ACTN2: variants seen among roughly 807,000 people sequenced by gnomAD.
ACTN2 encodes alpha-actinin-2.
In ACTN2, 39 loss-of-function variants were observed where a neutral mutation model predicts 113.8. The ratio of observed to expected loss-of-function variants is 0.34; its 90% CI spans 0.27 to 0.45. ACTN2 has a LOEUF of 0.45. Among genes scored for constraint, ACTN2 ranks in the 20% least tolerant of loss-of-function variants. The pLI is 1.00. For missense variants in ACTN2, 992 were observed against 1,177.9 expected (o/e 0.84, Z 2.31); for synonymous variants, 429 against 444.1 (o/e 0.97, Z 0.43).
Position 236,755,080 on chromosome 1 carries a change from A to G in ACTN2, c.2036A>G (p.Lys679Arg), listed in dbSNP as rs753129308. 8.1e-6 allele frequency: 13 copies of G among 1,614,236 alleles called. No homozygotes were observed. The highest frequency in any genetic ancestry group is 1.0e-5 in the Non-Finnish European group (12 of 1,180,042). The change falls in exon 17 of 21, where the codon AAG becomes AGG. Residue 679 changes from lysine (K) to arginine (R), a missense_variant. By Grantham distance (26) the Lys-to-Arg change is conservative (BLOSUM62 2). This residue lies in a region of ACTN2 where 736 missense variants were observed against 815.4 expected (regional missense o/e 0.90). Transcript: ENST00000366578. The part of the protein sequence containing the change: ...GALEDQMNQL[K>R]QYEHNIINYK... The stretch of plus-strand genomic sequence containing the variant: ...CTGGAAGACCAGATGAACCAGCTGA[A>G]GCAGTATGAGCACAACATCATCAAC...
chr1:236,745,181 T>C (rs527645300), intron 12 of ACTN2, among the ~76,000 whole-genome samples: 1 of 152,174 alleles, frequency 6.6e-6, no homozygotes, highest in Admixed American at 6.5e-5. Context: ...ACGCCTGTAA[T>C]CCCAGCACTT....
intron 17 of ACTN2, among the ~76,000 whole-genome samples, chr1:236,755,422 T>C (rs1046783519): frequency 6.6e-6 from 1 of 152,218 alleles, no homozygotes; most frequent in African/African-American, 2.4e-5. Context: ...ATTATTATTA[T>C]CACCACCATA....
At chr1:236,718,770 C>T in intron 2 of ACTN2, 124 bp from the exon 3 acceptor site, 1 of 1,343,048 alleles carries the variant, frequency 7.4e-7, no homozygotes, top group Non-Finnish European at 1.1e-6. Flanking sequence ...ACCAGGCACA[C>T]ATCAGAAATA....
chr1:236,726,580 T>G (rs986127998), intron 5 of ACTN2, among the ~76,000 whole-genome samples: 12 of 152,222 alleles, frequency 7.9e-5, no homozygotes, highest in Non-Finnish European at 1.0e-4. Flanking sequence ...TGTAGAGTGG[T>G]CATTATGATG....
intron 1 of ACTN2, among the ~76,000 whole-genome samples, chr1:236,703,635 C>A (rs992293975): frequency 2.0e-5 from 3 of 151,350 alleles, no homozygotes; most frequent in African/African-American, 7.3e-5. Flanking sequence ...ATTTGCTAAC[C>A]CTCATTTAGG....
At chr1:236,711,535 A>C (rs1658025832) in intron 1 of ACTN2, among the ~76,000 whole-genome samples, 1 of 152,122 alleles carries the variant, frequency 6.6e-6, no homozygotes, top group Non-Finnish European at 1.5e-5. Context: ...TTTTTAGTAG[A>C]GATGGGATTT....
At position 236,715,138 on chromosome 1, in the gene ACTN2, A is replaced by G. The variant is rs1389777457; in HGVS notation, c.127-2720A>G. On this transcript the variant is annotated intron_variant, in intron 1 of 20. Transcript: ENST00000366578. ...ATTTTTCTTTGAACCCTTTCGTACC[A>G]CTTGAATTTCTTTTTCCTTTTTTTT... Among the ~76,000 whole-genome samples, 4 of 147,980 alleles carry G rather than the reference A, an allele frequency of 2.7e-5. No individual in the cohort carries two copies. In the Admixed American group the frequency reaches 2.7e-4, roughly 10 times the overall value.
At chr1:236,741,377 C>G (rs1204704264) in intron 10 of ACTN2, among the ~76,000 whole-genome samples, 2 of 152,200 alleles carry the variant, frequency 1.3e-5, no homozygotes, top group East Asian at 3.9e-4. Context: ...ATGCCAATAC[C>G]TCTCAAATTT....
At chr1:236,696,758 C>T (rs1158233616) in intron 1 of ACTN2, among the ~76,000 whole-genome samples, 3 of 151,766 alleles carry the variant, frequency 2.0e-5, no homozygotes, top group South Asian at 2.1e-4. Flanking sequence ...CTCCGCCTCC[C>T]GGGTTCAAGC....
intron 6 of ACTN2, among the ~76,000 whole-genome samples, chr1:236,729,181 C>T (rs1658646689): frequency 1.3e-5 from 2 of 151,846 alleles, no homozygotes; most frequent in East Asian, 2.0e-4. Flanking sequence ...AAAAATTAGC[C>T]GGGTGTGGTG....
At chr1:236,712,749 C>T (rs1658066682) in intron 1 of ACTN2, among the ~76,000 whole-genome samples, 1 of 152,042 alleles carries the variant, frequency 6.6e-6, no homozygotes, top group South Asian at 2.1e-4. Flanking sequence ...TCATGAGCAG[C>T]TTTTAGGGAT....
rs766294557 is a variant in ACTN2, at chr1:236,747,616, TTC to T, written c.1407-46_1407-45del. The T allele has an allele frequency of 7.2e-6, 11 of 1,523,814 alleles. No homozygotes were observed. The East Asian group carries it at 2.3e-4, about 32-fold the overall frequency. 94.4% of individuals were successfully genotyped at this position (1,523,814 alleles called of 1,614,324 possible). On this transcript the variant is annotated intron_variant, in intron 12 of 20. Transcript: ENST00000366578. Reference sequence around the variant, plus strand: ...TTTTCTTTTTTAGCCCATGTTCATTTTCTCTCATCATCTGGGAAAGTTAATCT... The same window carrying T: ...TTTTCTTTTTTAGCCCATGTTCATTTTCTCATCATCTGGGAAAGTTAATCT...
chr1:236,732,732 T>G (rs913659814), intron 7 of ACTN2, among the ~76,000 whole-genome samples: 2 of 152,192 alleles, frequency 1.3e-5, no homozygotes, highest in African/African-American at 4.8e-5. Context: ...CATAAGCCAC[T>G]GTGCCTGGCC....
intron 10 of ACTN2, among the ~76,000 whole-genome samples, chr1:236,741,053 CT>C (rs1344605053): frequency 6.6e-6 from 1 of 151,706 alleles, no homozygotes; most frequent in East Asian, 1.9e-4. Context: ...TTTCTTTTTC[CT>C]TTTTTTTAAA....
intron 1 of ACTN2, among the ~76,000 whole-genome samples, chr1:236,712,920 C>A (rs1444705571): frequency 1.4e-5 from 2 of 145,380 alleles, no homozygotes; most frequent in Non-Finnish European, 3.0e-5. Flanking sequence ...CCATCAGTTG[C>A]TTTTTTTTTT....
rs1658531935 is a variant in ACTN2, at chr1:236,725,797, T to C, written c.449-136T>C. 3.8e-6 allele frequency: 3 copies of C among 792,968 alleles called. No homozygotes were observed. In the African/African-American group the frequency reaches 5.1e-5, roughly 13 times the overall value. The allele number at this position is 792,968 out of a possible 1,614,324, so 49.1% of individuals were successfully genotyped here. On this transcript the variant is annotated intron_variant, in intron 4 of 20. Transcript: ENST00000366578. ...TCACCAAGATCAGGGTTCTGGCTCC[T>C]ATGCACTTGCCGAGGCTGTAGGAAG...
intron 1 of ACTN2, among the ~76,000 whole-genome samples, chr1:236,715,638 C>T (rs1275928486): frequency 5.3e-5 from 8 of 152,114 alleles, no homozygotes; most frequent in South Asian, 2.1e-4. Flanking sequence ...GGAGCTACCA[C>T]ACTGATTGGG....
At chr1:236,761,813 A>G (rs1172371407) in intron 20 of ACTN2, among the ~76,000 whole-genome samples, 1 of 152,216 alleles carries the variant, frequency 6.6e-6, no homozygotes, top group East Asian at 1.9e-4. Flanking sequence ...CATTACCACA[A>G]GGAGGTTAGC....
At chr1:236,719,305 A>G (rs1658313744) in intron 3 of ACTN2, among the ~76,000 whole-genome samples, 1 of 152,242 alleles carries the variant, frequency 6.6e-6, no homozygotes, top group South Asian at 2.1e-4. Context: ...CTTAATAAGA[A>G]CTAACTAATA....
Sources: allele counts gnomAD v4.1 joint callset (sites outside exome capture counted in the v4.1 genomes callset), GRCh38; gene constraint gnomAD v4.1.1; regional missense constraint gnomAD v4.1.1; transcripts MANE v1.5; gene names NCBI Gene and HGNC (gene_info 2026-07-23, HGNC 2026-07-21).